GDA: variants seen among roughly 807,000 people sequenced by gnomAD.
GDA encodes the protein cytoplasmic PSD-95 interactor.
A neutral mutation model predicts 59.6 loss-of-function variants in GDA; 18 were observed. The observed-to-expected ratio is 0.30, with a 90% CI of 0.21 to 0.45. The LOEUF (loss-of-function observed/expected upper bound fraction) is 0.45, where lower values mean the gene tolerates loss of function less well. Ranked by LOEUF, GDA falls within the 20% of genes least tolerant of loss-of-function variation. GDA has a pLI of 1.00. For synonymous variants in GDA, 201 were observed against 201.1 expected (o/e 1.00, Z 0.00); for missense variants, 427 against 552.3 (o/e 0.77, Z 2.27).
At chr9:72,256,748 A>G (rs564778045), downstream of GDA, among the ~76,000 whole-genome samples, 8 of 152,312 alleles carry the variant, frequency 5.3e-5, no homozygotes, top group African/African-American at 9.6e-5. Flanking sequence ...CCTTGTCCCT[A>G]TACATTCTGA....
chr9:72,140,749 G>A (rs891430079), intron 1 of GDA, among the ~76,000 whole-genome samples: 3 of 152,062 alleles, frequency 2.0e-5, no homozygotes, highest in Non-Finnish European at 2.9e-5. Flanking sequence ...CATACCTCAC[G>A]GCACCAAAAT....
chr9:72,208,728 C>A (rs966718370), intron 3 of GDA, among the ~76,000 whole-genome samples: 1 of 152,146 alleles, frequency 6.6e-6, no homozygotes, highest in Non-Finnish European at 1.5e-5. Context: ...TACCTTCACA[C>A]TTGATTGATA....
In GDA at chr9:72,250,846, A is replaced by T; in HGVS notation, c.*2504A>T. On this transcript the variant is annotated 3_prime_UTR_variant, in exon 14 of 14. Transcript: ENST00000358399. ...CAACGGAATACACTTTGAAAGGTAA[A>T]AACAATTCAAAAGTATCGATTATCA... 6.2e-7 allele frequency: 1 copy of T among 1,606,750 alleles called. No individual in the cohort carries two copies. The highest frequency in any genetic ancestry group is 8.5e-7 in the Non-Finnish European group (1 of 1,175,338).
chr9:72,141,524 A>C (rs1826440331), intron 1 of GDA, among the ~76,000 whole-genome samples: 1 of 152,004 alleles, frequency 6.6e-6, no homozygotes, highest in South Asian at 2.1e-4. Context: ...TACTTTCTGT[A>C]TGAAATTTAC....
rs1322976051 is a variant in GDA at position 72,251,816 on chromosome 9, G to A, written c.*3474G>A. On this transcript the variant is annotated 3_prime_UTR_variant, in exon 14 of 14. Transcript: ENST00000358399. ...CACTGCCTTTCCTTCCCACAGACCT[G>A]AGTGTGAAAGACTGAGAGTTGAGGA... 2 of 152,206 alleles carry A rather than the reference G, an allele frequency of 1.3e-5. No homozygotes were observed. Among genetic ancestry groups the A allele is most frequent in the East Asian group, 3.9e-4 (2 of 5,172 alleles). The allele number at this position is 152,206 out of a possible 1,614,324, so 9.4% of individuals were successfully genotyped here. A position where few individuals can be genotyped will look rare whatever the true frequency, so the allele number is the denominator to read the frequency against.
Position 72,250,833 on chromosome 9 carries a change from C to T in GDA, c.*2491C>T. The T allele has an allele frequency of 6.2e-7, 1 of 1,609,254 alleles. No individual in the cohort carries two copies. Among genetic ancestry groups the T allele is most frequent in the African/African-American group, 1.3e-5 (1 of 74,932 alleles). On this transcript the variant is annotated 3_prime_UTR_variant, in exon 14 of 14. Transcript: ENST00000358399. ...TCCATGGTATTTTCAACGGAATACA[C>T]TTTGAAAGGTAAAAACAATTCAAAA...
chr9:72,216,928 G>C (rs566967316), intron 5 of GDA, among the ~76,000 whole-genome samples: 1 of 152,282 alleles, frequency 6.6e-6, no homozygotes, highest in African/African-American at 2.4e-5. Flanking sequence ...ACCCACCTCA[G>C]CCTCCCAAAG....
chr9:72,211,179 T>C (rs1210700767), intron 4 of GDA, among the ~76,000 whole-genome samples: 2 of 152,170 alleles, frequency 1.3e-5, no homozygotes, highest in East Asian at 3.9e-4. Context: ...CTGTGCTAGA[T>C]GCTGGAAACG....
intron 1 of GDA, among the ~76,000 whole-genome samples, chr9:72,182,545 T>C (rs1381936088): frequency 1.3e-5 from 2 of 152,218 alleles, no homozygotes; most frequent in African/African-American, 4.8e-5. Flanking sequence ...TGTCCCGTTA[T>C]TGGTGATGTT....
intron 7 of GDA, among the ~76,000 whole-genome samples, chr9:72,223,942 G>GT (rs993937463): frequency 2.6e-5 from 4 of 152,032 alleles, no homozygotes; most frequent in Non-Finnish European, 4.4e-5. Context: ...GTAAATCAGT[G>GT]TTTTTTTGGT....
At chr9:72,220,296 C>G (rs1018658470) in intron 6 of GDA, among the ~76,000 whole-genome samples, 2 of 151,896 alleles carry the variant, frequency 1.3e-5, no homozygotes, top group African/African-American at 4.8e-5. Context: ...TGTACCTAGC[C>G]CTCTGTGTTT....
At chr9:72,242,190 G>T (rs1264832189) in intron 11 of GDA, among the ~76,000 whole-genome samples, 1 of 152,096 alleles carries the variant, frequency 6.6e-6, no homozygotes, top group African/African-American at 2.4e-5. Context: ...CTTACCTTCT[G>T]CCCTTCCACT....
At chr9:72,206,729 A>G (rs12000573) in intron 3 of GDA, among the ~76,000 whole-genome samples, 59,432 of 151,892 alleles carry the variant, frequency 0.39, 11,872 homozygotes, top group East Asian at 0.54. Flanking sequence ...GCCAAGGTGC[A>G]CCATTGCACT....
chr9:72,202,478 A>C (rs1587623811), intron 2 of GDA, 93 bp from the exon 3 acceptor site: 1 of 804,364 alleles, frequency 1.2e-6, no homozygotes, highest in East Asian at 2.6e-5. Flanking sequence ...GTGGGTGAAC[A>C]GTGAAATCAT....
At chr9:72,158,694 C>T (rs1828240286) in intron 1 of GDA, among the ~76,000 whole-genome samples, 1 of 151,970 alleles carries the variant, frequency 6.6e-6, no homozygotes, top group African/African-American at 2.4e-5. Flanking sequence ...GTAGTTATTC[C>T]AATTTGCCTT....
intron 11 of GDA, among the ~76,000 whole-genome samples, chr9:72,242,788 A>C (rs1427563596): frequency 6.6e-6 from 1 of 152,116 alleles, no homozygotes; most frequent in Non-Finnish European, 1.5e-5. Flanking sequence ...CACCCACACC[A>C]CCATTGTCTT....
chr9:72,124,384 A>G (rs577351341), intron 1 of GDA, among the ~76,000 whole-genome samples: 1 of 152,222 alleles, frequency 6.6e-6, no homozygotes, highest in Non-Finnish European at 1.5e-5. Context: ...CTGCTACTCA[A>G]ACTATAATAT....
At chr9:72,188,817 A>G (rs1832162138) in intron 1 of GDA, among the ~76,000 whole-genome samples, 1 of 152,184 alleles carries the variant, frequency 6.6e-6, no homozygotes, top group Admixed American at 6.5e-5. Context: ...AGCAGGCAGG[A>G]GACTCCAACC....
chr9:72,202,613 C>T lies in GDA; in HGVS notation c.255C>T (p.Ala85=), dbSNP rs777586157. Residue 85 remains alanine (A), a synonymous_variant, in exon 3 of 14, where the codon GCC becomes GCT. Transcript: ENST00000358399. ...GGCTGGTTGATACACACATCCATGC[C>T]TCTCAGTATTCCTTTGCTGGAAGTA... ...MPGLVDTHIH[A]SQYSFAGSSI... 6.2e-7 allele frequency: 1 copy of T among 1,611,768 alleles called. No homozygotes were observed. Among genetic ancestry groups the T allele is most frequent in the Non-Finnish European group, 8.5e-7 (1 of 1,177,966 alleles).
Sources: allele counts gnomAD v4.1 joint callset (sites outside exome capture counted in the v4.1 genomes callset), GRCh38; gene constraint gnomAD v4.1.1; transcripts MANE v1.5; gene names NCBI Gene and HGNC (gene_info 2026-07-23, HGNC 2026-07-21).